Variants in SMTNL2 observed in about 807,000 individuals in gnomAD.
The protein encoded by SMTNL2 is smoothelin-like protein 2.
Under a neutral mutation model 44.1 loss-of-function variants are expected in SMTNL2, and 43 were observed. The observed-to-expected ratio is 0.98, with a 90% confidence interval of 0.76 to 1.26. The LOEUF (loss-of-function observed/expected upper bound fraction) is 1.26. Ranked by LOEUF, SMTNL2 falls within the 50% of genes most tolerant of loss-of-function variation. The probability of loss-of-function intolerance (pLI) is 0.00; values close to 1 mark genes in which losing one functional copy is unlikely to be tolerated. For synonymous variants in SMTNL2, 317 were observed against 287.6 expected (o/e 1.10, Z -1.03); for missense variants, 646 against 670.2 (o/e 0.96, Z 0.40).
chr17:4,605,029 C>T (rs933473582), intron 7 of SMTNL2, among the ~76,000 whole-genome samples: 6 of 151,638 alleles, frequency 4.0e-5, no homozygotes, highest in African/African-American at 1.2e-4. Flanking sequence ...TGGGAGGAGT[C>T]GGGGTTTGAA....
Position 4,594,042 on chromosome 17 carries a change from T to TG in SMTNL2, c.806+151dup, listed in dbSNP as rs1304356478. On this transcript the variant is annotated intron_variant, in intron 4 of 7. Transcript: ENST00000389313. ...ATCTCGGGAGCACTGGGCGGCAGGA[T>TG]GGGGGGAAGGTCTGAGCAGGGGGAG... 1.3e-5 allele frequency: 10 copies of TG among 764,928 alleles called. No individual in the cohort carries two copies. In the African/African-American group the frequency reaches 1.6e-4, roughly 12 times the overall value. The allele number at this position is 764,928 out of a possible 1,614,324, so 47.4% of individuals were successfully genotyped here.
chr17:4,584,766 G>C lies in SMTNL2; in HGVS notation c.161G>C (p.Gly54Ala). ...RRVAEAMRLA[G>A]PLARTVADLQ... is the part of the protein sequence containing the mutation. ...GTGGCAGAGGCGATGCGCCTGGCCG[G>C]CCCCCTGGCGCGCACGGTGGCCGAC... The change falls in exon 1 of 8, where the codon GGC becomes GCC. Residue 54 changes from glycine (G) to alanine (A), a missense_variant. Transcript: ENST00000389313. The C allele has an allele frequency of 1.5e-6, 2 of 1,306,602 alleles. No homozygotes were observed. The highest frequency in any genetic ancestry group is 2.1e-5 in the South Asian group (1 of 47,882). The allele number at this position is 1,306,602 out of a possible 1,614,324, so 80.9% of individuals were successfully genotyped here. A position where few individuals can be genotyped will look rare whatever the true frequency, so the allele number is the denominator to read the frequency against.
chr17:4,593,671 T>G (rs1909676849), intron 3 of SMTNL2, 151 bp from the exon 4 acceptor site: 6 of 701,346 alleles, frequency 8.6e-6, no homozygotes, highest in South Asian at 7.2e-5. Context: ...CTCCACTGTC[T>G]GCTGAGGCAG....
chr17:4,599,317 G>C (rs570650933), intron 7 of SMTNL2, among the ~76,000 whole-genome samples: 3 of 152,188 alleles, frequency 2.0e-5, no homozygotes, highest in Non-Finnish European at 4.4e-5. Context: ...GGATCCAGAC[G>C]ATGGTGTGGT....
At chr17:4,584,519 A>G (rs1407399578), upstream of SMTNL2, 2 of 1,201,582 alleles carry the variant, frequency 1.7e-6, no homozygotes, top group African/African-American at 1.6e-5. Flanking sequence ...GAAGCCAGCC[A>G]CGGACGGCCA....
intron 4 of SMTNL2, among the ~76,000 whole-genome samples, chr17:4,594,290 A>T (rs538816876): frequency 6.6e-6 from 1 of 152,008 alleles, no homozygotes; most frequent in East Asian, 1.9e-4. Flanking sequence ...CTCCACTAAA[A>T]ATACAAAAAT....
chr17:4,601,988 A>G (rs1447235387), intron 7 of SMTNL2, among the ~76,000 whole-genome samples: 31 of 152,094 alleles, frequency 2.0e-4, no homozygotes, highest in Admixed American at 2.0e-3. Flanking sequence ...AGTTTTGTCC[A>G]GCCTATGTCT....
In SMTNL2 at chr17:4,584,547, C is replaced by T; in HGVS notation, c.-59C>T. 1 of 1,213,744 alleles carries T rather than the reference C, an allele frequency of 8.2e-7. No homozygotes were observed. The highest frequency in any genetic ancestry group is 3.3e-5 in the East Asian group (1 of 29,884). 75.2% of individuals were successfully genotyped at this position (1,213,744 alleles called of 1,614,324 possible). ...GACGGCCAGTCGCGGCCCGGAGCTGCGGAGCTCGGATCTTCTCCCCCGTCT... is the reference window on the plus strand; with the variant it reads ...GACGGCCAGTCGCGGCCCGGAGCTGTGGAGCTCGGATCTTCTCCCCCGTCT... On this transcript the variant is annotated 5_prime_UTR_variant, in exon 1 of 8. Coordinates refer to ENST00000389313, the MANE Select transcript of SMTNL2 (RefSeq NM_001114974.2).
intron 1 of SMTNL2, among the ~76,000 whole-genome samples, chr17:4,590,296 C>A (rs1030049141): frequency 2.6e-5 from 4 of 151,952 alleles, no homozygotes; most frequent in African/African-American, 9.7e-5. Flanking sequence ...TCCCTTCCTT[C>A]CTGGCCTTGG....
At chr17:4,593,739 A>C in intron 3 of SMTNL2, 83 bp from the exon 4 acceptor site, 2 of 1,391,456 alleles carry the variant, frequency 1.4e-6, no homozygotes, top group Non-Finnish European at 2.0e-6. Flanking sequence ...TAAATGAGGC[A>C]GGGCTGGGTC....
intron 7 of SMTNL2, among the ~76,000 whole-genome samples, chr17:4,602,707 G>C (rs1910100688): frequency 6.6e-6 from 1 of 152,174 alleles, no homozygotes; most frequent in Non-Finnish European, 1.5e-5. Context: ...ATCCGTGGAA[G>C]GTGGGTGCCC....
chr17:4,585,433 C>A (rs1015168758), intron 1 of SMTNL2, among the ~76,000 whole-genome samples: 1 of 152,366 alleles, frequency 6.6e-6, no homozygotes, highest in South Asian at 2.1e-4. Flanking sequence ...TGAGGCCTGA[C>A]GGCTCTGGTT....
rs141607902 is a variant in SMTNL2, at chr17:4,600,394, C to G, written c.1259+3071C>G. Among the ~76,000 whole-genome samples the G allele has an allele frequency of 6.6e-6, 1 of 152,238 alleles. No homozygotes were observed. The highest frequency in any genetic ancestry group is 1.5e-5 in the Non-Finnish European group (1 of 68,008). ...GGCAGGCAGGGTGGGATGAGAGGAG[C>G]CTGGGGTCTGACAAGACAACTTCTG... is the stretch of plus-strand genomic sequence containing the variant. On this transcript the variant is annotated intron_variant, in intron 7 of 7. Coordinates refer to ENST00000389313, the MANE Select transcript of SMTNL2 (RefSeq NM_001114974.2). The surrounding 1 kb of genome is among the most constrained non-coding windows in gnomAD (Gnocchi z 4.7).
rs1488875628 is a variant in SMTNL2, at chr17:4,595,801, A to G, written c.989+474A>G. On this transcript the variant is annotated intron_variant, in intron 5 of 7. Transcript: ENST00000389313. This position sits in a 1 kb window ranked among gnomAD's most constrained non-coding sequence, Gnocchi z 5.1. The stretch of plus-strand genomic sequence containing the variant: ...GGGGCCGAGTGGCCTCCAGCCTGCT[A>G]CTAGGTCTCGAGCGACGGCTCCTCA... 1.3e-5 allele frequency among the ~76,000 whole-genome samples: 2 copies of G among 152,228 alleles called. No homozygotes were observed. The highest frequency in any genetic ancestry group is 2.9e-5 in the Non-Finnish European group (2 of 68,036).
rs548058398 is a variant in SMTNL2, at chr17:4,600,044, G to A, written c.1259+2721G>A. 2.2e-4 allele frequency among the ~76,000 whole-genome samples: 33 copies of A among 152,278 alleles called. No homozygotes were observed. Among genetic ancestry groups the A allele is most frequent in the East Asian group, 3.9e-4 (2 of 5,172 alleles). The stretch of plus-strand genomic sequence containing the variant: ...GGGGCGTCCACCGCAGGCCTGTGCC[G>A]GGGGGTCGGGGGAGTTTGCTCAGAG... On this transcript the variant is annotated intron_variant, in intron 7 of 7. Transcript: ENST00000389313. This position sits in a 1 kb window ranked among gnomAD's most constrained non-coding sequence, Gnocchi z 4.7.
chr17:4,605,933 T>C (rs746200600), intron 7 of SMTNL2, among the ~76,000 whole-genome samples: 10 of 152,266 alleles, frequency 6.6e-5, no homozygotes, highest in Non-Finnish European at 1.2e-4. Flanking sequence ...AGCAGGGCGA[T>C]GCGTCTTGAC....
Position 4,607,335 on chromosome 17 carries a change from G to A in SMTNL2, c.1260-26G>A, listed in dbSNP as rs763065468. 62 of 1,613,334 alleles carry A rather than the reference G, an allele frequency of 3.8e-5. No individual in the cohort carries two copies. Among genetic ancestry groups the A allele is most frequent in the Admixed American group, 1.7e-4 (10 of 59,988 alleles). ...GGGCTGGCTGATGGCTGGGACCACC[G>A]TTCTGACGGGGCTTGTGTGTTTCAG... On this transcript the variant is annotated intron_variant, in intron 7 of 7. Transcript: ENST00000389313. This position sits in a 1 kb window ranked among gnomAD's most constrained non-coding sequence, Gnocchi z 4.7.
chr17:4,588,108 G>A (rs1909416447), intron 1 of SMTNL2, among the ~76,000 whole-genome samples: 1 of 152,206 alleles, frequency 6.6e-6, no homozygotes, highest in African/African-American at 2.4e-5. Flanking sequence ...GCTTTAGGGA[G>A]AAGTTTGAAT....
In SMTNL2 at chr17:4,593,178, G is replaced by A. The variant is rs758549133; in HGVS notation, c.730+7G>A. 4 of 1,580,484 alleles carry A rather than the reference G, an allele frequency of 2.5e-6. No individual in the cohort carries two copies. The highest frequency in any genetic ancestry group is 1.7e-5 in the Admixed American group (1 of 58,292). On this transcript the variant is annotated splice_region_variant and intron_variant, in intron 3 of 7. Coordinates refer to ENST00000389313, the MANE Select transcript of SMTNL2 (RefSeq NM_001114974.2). The stretch of plus-strand genomic sequence containing the variant: ...TGGACTCCCAGTCCTAGCGGTATGA[G>A]CTGGAGAGCGTGGCCTTGGGGCAGA...
Sources: gnomAD v4.1 joint callset for allele counts (sites outside exome capture counted in the v4.1 genomes callset) on GRCh38, gnomAD v4.1.1 for gene constraint, Gnocchi (gnomAD v3.1) non-coding constraint, MANE v1.5 for transcripts, NCBI Gene and HGNC (gene_info 2026-07-23, HGNC 2026-07-21) for gene names.